The following PKNOX2 variants were observed in gnomAD, a reference collection of about 807,000 sequenced individuals.
PKNOX2 encodes PBX/knotted 1 homeobox 2, also known as homeobox protein PKNOX2.
Under a neutral mutation model 53.1 loss-of-function variants are expected in PKNOX2, and 14 were observed. The ratio of observed to expected loss-of-function variants is 0.26; its 90% CI spans 0.17 to 0.41. PKNOX2 has a LOEUF of 0.41. Among genes scored for constraint, PKNOX2 ranks in the 10% least tolerant of loss-of-function variants. PKNOX2 has a pLI of 1.00. For synonymous variants in PKNOX2, 257 were observed against 242.8 expected (o/e 1.06, Z -0.54); for missense variants, 496 against 602.8 (o/e 0.82, Z 1.85).
At chr11:125,341,667 A>G (rs998883265) in intron 3 of PKNOX2, among the ~76,000 whole-genome samples, 1 of 152,260 alleles carries the variant, frequency 6.6e-6, no homozygotes, top group African/African-American at 2.4e-5. Context: ...GAAAGGCTTC[A>G]TGGAACAGTA....
chr11:125,432,984 A>G lies in PKNOX2; in HGVS notation c.*1592A>G, dbSNP rs1956769656. On this transcript the variant is annotated 3_prime_UTR_variant, in exon 13 of 13. Coordinates refer to ENST00000298282, the MANE Select transcript of PKNOX2 (RefSeq NM_001382323.2). ...CCTGAAATGAATGTATTTCTCCCCC[A>G]AAAGAGCTGATATTTAATGTTTTAA... 1 of 152,632 alleles carries G rather than the reference A, an allele frequency of 6.6e-6. No individual in the cohort carries two copies. The highest frequency in any genetic ancestry group is 6.5e-5 in the Admixed American group (1 of 15,282). 9.5% of individuals were successfully genotyped at this position (152,632 alleles called of 1,614,324 possible).
intron 1 of PKNOX2, among the ~76,000 whole-genome samples, chr11:125,174,710 G>A (rs1297451268): frequency 6.6e-6 from 1 of 152,080 alleles, no homozygotes; most frequent in Non-Finnish European, 1.5e-5. Context: ...TTGTTGAGAG[G>A]GACCCTGCAG....
chr11:125,387,579 T>G (rs1953732832), intron 6 of PKNOX2, among the ~76,000 whole-genome samples: 1 of 152,176 alleles, frequency 6.6e-6, no homozygotes, highest in Non-Finnish European at 1.5e-5. Context: ...AAGAATCATA[T>G]TTAGAATCAA....
At chr11:125,218,004 C>T (rs891335755) in intron 1 of PKNOX2, among the ~76,000 whole-genome samples, 7 of 152,284 alleles carry the variant, frequency 4.6e-5, no homozygotes, top group South Asian at 2.1e-4. Flanking sequence ...CAGAGACAGA[C>T]GGCCCTGTTT....
intron 10 of PKNOX2, 51 bp from the exon 11 acceptor site, chr11:125,428,961 G>T: frequency 6.5e-7 from 1 of 1,547,948 alleles, no homozygotes; most frequent in Non-Finnish European, 8.9e-7. Flanking sequence ...CCCTTGGGGG[G>T]GCCAGATCAG....
chr11:125,230,321 C>T (rs1019377567), intron 1 of PKNOX2, among the ~76,000 whole-genome samples: 3 of 152,292 alleles, frequency 2.0e-5, no homozygotes, highest in Middle Eastern at 3.4e-3. Context: ...TGGTCAGGGG[C>T]CACAGTGCCT....
intron 2 of PKNOX2, among the ~76,000 whole-genome samples, chr11:125,267,484 G>A (rs1448614476): frequency 6.6e-6 from 1 of 152,226 alleles, no homozygotes; most frequent in African/African-American, 2.4e-5. Flanking sequence ...GTGAGGGAGA[G>A]GAAGAAGCTA....
intron 1 of PKNOX2, among the ~76,000 whole-genome samples, chr11:125,179,751 C>T (rs893882300): frequency 7.2e-5 from 11 of 152,124 alleles, no homozygotes; most frequent in Non-Finnish European, 1.5e-4. Flanking sequence ...GACAGAGAGA[C>T]AGATGTTTCT....
At chr11:125,241,084 C>T (rs529454272) in intron 2 of PKNOX2, among the ~76,000 whole-genome samples, 70 of 152,310 alleles carry the variant, frequency 4.6e-4, no homozygotes, top group Non-Finnish European at 8.4e-4. Flanking sequence ...TTGCTATCCA[C>T]AGGTTGAAGT....
At chr11:125,371,309 G>C (rs1009407080) in intron 5 of PKNOX2, among the ~76,000 whole-genome samples, 1 of 152,130 alleles carries the variant, frequency 6.6e-6, no homozygotes, top group Non-Finnish European at 1.5e-5. Context: ...GAGGCCGGTG[G>C]AGTGAGGGAC....
intron 9 of PKNOX2, chr11:125,411,424 T>C: frequency 2.3e-6 from 1 of 428,836 alleles, no homozygotes; most frequent in Non-Finnish European, 4.4e-6. Context: ...ATTCATATCT[T>C]CTCCTGTTCT....
chr11:125,311,212 A>G (rs1353833988), intron 2 of PKNOX2, among the ~76,000 whole-genome samples: 1 of 152,196 alleles, frequency 6.6e-6, no homozygotes, highest in Non-Finnish European at 1.5e-5. Context: ...TTGGGCTAAG[A>G]TGTGATGTCC....
intron 5 of PKNOX2, among the ~76,000 whole-genome samples, chr11:125,384,951 G>A (rs1953520824): frequency 6.6e-6 from 1 of 152,160 alleles, no homozygotes; most frequent in African/African-American, 2.4e-5. Flanking sequence ...TTGCATCATT[G>A]TGTGATGACC....
At chr11:125,411,303 G>A (rs1433396390) in intron 9 of PKNOX2, 1 of 326,076 alleles carries the variant, frequency 3.1e-6, no homozygotes. Context: ...ACACAGCCTA[G>A]CCAACCTACA....
chr11:125,415,516 A>AT (rs1400210082), intron 10 of PKNOX2, among the ~76,000 whole-genome samples: 1 of 150,974 alleles, frequency 6.6e-6, no homozygotes, highest in Non-Finnish European at 1.5e-5. Flanking sequence ...GCCATAGTGT[A>AT]TTTTTTTTTA....
chr11:125,294,327 G>A (rs942939979), intron 2 of PKNOX2, among the ~76,000 whole-genome samples: 16 of 152,190 alleles, frequency 1.1e-4, no homozygotes, highest in Admixed American at 2.6e-4. Context: ...GGAGCTTGGC[G>A]AAAAGGCACG....
chr11:125,276,817 G>T (rs1337211188), intron 2 of PKNOX2, among the ~76,000 whole-genome samples: 1 of 152,152 alleles, frequency 6.6e-6, no homozygotes, highest in African/African-American at 2.4e-5. Flanking sequence ...AGTCTAGTCA[G>T]CAAATTTGTA....
At chr11:125,426,916 G>A (rs910626560) in intron 10 of PKNOX2, among the ~76,000 whole-genome samples, 2 of 152,228 alleles carry the variant, frequency 1.3e-5, no homozygotes, top group African/African-American at 4.8e-5. Context: ...GCTGTGATCT[G>A]TGGCAGGCCC....
At chr11:125,226,677 GCTGTGGATATA>G (rs1941723857) in intron 1 of PKNOX2, among the ~76,000 whole-genome samples, 1 of 150,854 alleles carries the variant, frequency 6.6e-6, no homozygotes. Context: ...TCGTTTTATT[GCTGTGGATATA>G]CACCTAGATG....
Sources: gnomAD v4.1 joint callset for allele counts (sites outside exome capture counted in the v4.1 genomes callset) on GRCh38, gnomAD v4.1.1 for gene constraint, MANE v1.5 for transcripts, NCBI Gene and HGNC (gene_info 2026-07-23, HGNC 2026-07-21) for gene names.